The following AASDH variants were observed in gnomAD, a reference collection of about 807,000 sequenced individuals.
The protein encoded by AASDH is beta-alanine-activating enzyme.
In AASDH, 81 loss-of-function variants were observed where a neutral mutation model predicts 102.3. The ratio of observed to expected loss-of-function variants is 0.79; its 90% CI spans 0.66 to 0.95. The LOEUF is 0.95. Ranked by LOEUF, AASDH falls within the 40% of genes least tolerant of loss-of-function variation. AASDH has a pLI of 0.00. For missense variants in AASDH, 1,203 were observed against 1,266.2 expected (o/e 0.95, Z 0.76); for synonymous variants, 398 against 454.0 (o/e 0.88, Z 1.57).
intron 5 of AASDH, among the ~76,000 whole-genome samples, chr4:56,361,971 C>G (rs1273096442): frequency 6.6e-6 from 1 of 151,868 alleles, no homozygotes; most frequent in Non-Finnish European, 1.5e-5. Context: ...GACCCTGTCT[C>G]AAAACAAAAA....
chr4:56,345,187 T>C lies in AASDH; in HGVS notation c.2592A>G (p.Pro864=). ...ATCCAATGTAAATGAGTCCTGTGGTTGGATCCATGGTTGCCGAGCTTTTGA... is the reference window on the plus strand; with the variant it reads ...ATCCAATGTAAATGAGTCCTGTGGTCGGATCCATGGTTGCCGAGCTTTTGA... ...DAVKSSATMD[P]TTGLIYIGSH... The change falls in exon 12 of 15, where the codon CCA becomes CCG. Residue 864 remains proline (P), a synonymous_variant. Transcript: ENST00000205214. The C allele has an allele frequency of 6.2e-7, 1 of 1,614,190 alleles. No homozygotes were observed. Among genetic ancestry groups the C allele is most frequent in the Non-Finnish European group, 8.5e-7 (1 of 1,180,030 alleles).
In AASDH at chr4:56,343,632, G is replaced by A. The variant is rs773877956; in HGVS notation, c.2705C>T (p.Pro902Leu). Residue 902 changes from proline (P) to leucine (L), a missense_variant, in exon 13 of 15, where the codon CCG becomes CTG. Coordinates refer to ENST00000205214, the MANE Select transcript of AASDH (RefSeq NM_181806.4). Reference sequence around the variant, plus strand: ...ATGATGTGGAATCAGGTTCAAACACGGAGAGGAAAAGACAGTTCCTCCACA... The same window carrying A: ...ATGATGTGGAATCAGGTTCAAACACAGAGAGGAAAAGACAGTTCCTCCACA... ...SKCGGTVFSS[P>L]CLNLIPHHLY... The A allele has an allele frequency of 6.2e-6, 10 of 1,610,318 alleles. No individual in the cohort carries two copies. Among genetic ancestry groups the A allele is most frequent in the South Asian group, 4.4e-5 (4 of 90,432 alleles).
intron 5 of AASDH, among the ~76,000 whole-genome samples, chr4:56,359,476 A>G (rs574192388): frequency 5.4e-4 from 81 of 151,376 alleles, no homozygotes; most frequent in Non-Finnish European, 1.0e-3. Context: ...GCTTGTCTCG[A>G]ACTCCTAACC....
chr4:56,361,919 C>G (rs1750348473), intron 5 of AASDH, among the ~76,000 whole-genome samples: 1 of 152,164 alleles, frequency 6.6e-6, no homozygotes, highest in African/African-American at 2.4e-5. Flanking sequence ...CTGCAGTGAG[C>G]TGTGAGGGCG....
At position 56,353,519 on chromosome 4, in the gene AASDH, C is replaced by T; in HGVS notation, c.1461G>A (p.Val487=). The change falls in exon 9 of 15, where the codon GTG becomes GTA. Residue 487 remains valine, a synonymous_variant. Transcript: ENST00000205214. ...YNQEKLILFM[V]SKDASVKEYI... is the part of the protein sequence containing the mutation. ...ATTCTTTTACTGAAGCATCTTTAGA[C>T]ACCATGAAGAGAATTAATTTTTCCT... 1 of 1,613,688 alleles carries T rather than the reference C, an allele frequency of 6.2e-7. No individual in the cohort carries two copies. The highest frequency in any genetic ancestry group is 1.1e-5 in the South Asian group (1 of 91,060).
At chr4:56,374,759 TTTAA>T (rs1209739021) in intron 4 of AASDH, among the ~76,000 whole-genome samples, 1 of 152,148 alleles carries the variant, frequency 6.6e-6, no homozygotes, top group Non-Finnish European at 1.5e-5. Context: ...CTTTTGTCAG[TTTAA>T]TTCTCAGTCC....
chr4:56,347,363 G>GAT (rs897309687), intron 11 of AASDH, among the ~76,000 whole-genome samples: 1 of 152,184 alleles, frequency 6.6e-6, no homozygotes, highest in Middle Eastern at 3.2e-3. Context: ...GATTCAAGTA[G>GAT]ATTGCTGCTA....
At position 56,338,417 on chromosome 4, in the gene AASDH, A is replaced by C; in HGVS notation, c.3282T>G (p.Gly1094=). Residue 1094 remains glycine, a synonymous_variant, in exon 15 of 15, where the codon GGT becomes GGG. Coordinates refer to ENST00000205214, the MANE Select transcript of AASDH (RefSeq NM_181806.4). ...DNYVYCLDLL[G]GNQK ...CTGTATTTGATTATTTTTGATTGCC[A>C]CCCAATAAATCCAGACAATAAACAT... 2 of 1,613,214 alleles carry C rather than the reference A, an allele frequency of 1.2e-6. No individual in the cohort carries two copies. The highest frequency in any genetic ancestry group is 1.1e-5 in the South Asian group (1 of 90,704).
At chr4:56,355,071 C>T in intron 6 of AASDH, 111 bp downstream of exon 6, 1 of 1,299,002 alleles carries the variant, frequency 7.7e-7, no homozygotes, top group East Asian at 2.4e-5. Flanking sequence ...ATATCAGATA[C>T]AATCGTGTTT....
chr4:56,374,367 CAGAAAAAAAAA>C (rs1445905297), intron 4 of AASDH, among the ~76,000 whole-genome samples: 10 of 110,220 alleles, frequency 9.1e-5, no homozygotes, highest in African/African-American at 3.3e-4. Context: ...GACTCTGTCT[CAGAAAAAAAAA>C]AAAAAAAAAA....
intron 5 of AASDH, among the ~76,000 whole-genome samples, chr4:56,370,595 C>T (rs991041516): frequency 6.6e-6 from 1 of 152,034 alleles, no homozygotes; most frequent in South Asian, 2.1e-4. Context: ...AATGAATCAG[C>T]GAGTGGGCCC....
intron 5 of AASDH, among the ~76,000 whole-genome samples, chr4:56,366,286 G>C (rs534095888): frequency 1.3e-5 from 2 of 152,170 alleles, no homozygotes; most frequent in Non-Finnish European, 2.9e-5. Flanking sequence ...AATTCTACCA[G>C]AGGTACAAGG....
rs386400122 is a variant in AASDH at position 56,338,313 on chromosome 4, C to CTTTT, written c.*88_*89insAAAA. On this transcript the variant is annotated 3_prime_UTR_variant, in exon 15 of 15. Transcript: ENST00000205214. ...CGTTTCTTAGCCAAAATATAATCTT[C>CTTTT]TTTAATATAAAATAAGTCCACATGA... The CTTTT allele has an allele frequency of 5.7e-6, 8 of 1,411,382 alleles. No homozygotes were observed. The highest frequency in any genetic ancestry group is 6.7e-6 in the Non-Finnish European group (7 of 1,043,228). 87.4% of individuals were successfully genotyped at this position (1,411,382 alleles called of 1,614,324 possible).
At chr4:56,383,760 C>G (rs1578089380) in intron 2 of AASDH, among the ~76,000 whole-genome samples, 1 of 152,134 alleles carries the variant, frequency 6.6e-6, no homozygotes, top group African/African-American at 2.4e-5. Flanking sequence ...TTTCTTTTAT[C>G]TAACAACAAA....
chr4:56,387,480 G>T lies in AASDH; in HGVS notation c.-161C>A, dbSNP rs1185071198. 1 of 152,230 alleles carries T rather than the reference G, an allele frequency of 6.6e-6. No individual in the cohort carries two copies. Among genetic ancestry groups the T allele is most frequent in the South Asian group, 2.1e-4 (1 of 4,836 alleles). The allele number at this position is 152,230 out of a possible 1,614,324, so 9.4% of individuals were successfully genotyped here. ...AAGCCGTAAAGCTATCCCAGAGCGA[G>T]GCACCATACGTAAATCTTCCGCGTC... On this transcript the variant is annotated 5_prime_UTR_variant, in exon 1 of 15. Transcript: ENST00000205214.
chr4:56,364,400 C>A (rs1750723910), intron 5 of AASDH, among the ~76,000 whole-genome samples: 1 of 151,910 alleles, frequency 6.6e-6, no homozygotes, highest in African/African-American at 2.4e-5. Context: ...AAGAGCAACT[C>A]CAAGACACAA....
intron 5 of AASDH, among the ~76,000 whole-genome samples, chr4:56,365,259 C>G (rs1391294880): frequency 6.6e-6 from 1 of 152,012 alleles, no homozygotes; most frequent in East Asian, 1.9e-4. Context: ...GACTCCCACA[C>G]AATAATAATG....
chr4:56,338,583 G>T lies in AASDH; in HGVS notation c.3116C>A (p.Ala1039Glu). 1 of 1,614,198 alleles carries T rather than the reference G, an allele frequency of 6.2e-7. No homozygotes were observed. Among genetic ancestry groups the T allele is most frequent in the Non-Finnish European group, 8.5e-7 (1 of 1,180,040 alleles). ...NYNGSNEMLLAAASTDGKVWI... is the reference protein window; with the variant it reads ...NYNGSNEMLLEAASTDGKVWI... ...CACTTTCCCATCAGTAGATGCTGCT[G>T]CCAGCAACATTTCATTGCTGCCATT... is the stretch of plus-strand genomic sequence containing the variant. The change falls in exon 15 of 15, where the codon GCA becomes GAA. Residue 1039 changes from alanine to glutamate, a missense_variant. Transcript: ENST00000205214.
intron 10 of AASDH, among the ~76,000 whole-genome samples, chr4:56,350,900 T>C (rs1287552920): frequency 6.6e-6 from 1 of 152,194 alleles, no homozygotes; most frequent in Non-Finnish European, 1.5e-5. Flanking sequence ...TACTGAGATA[T>C]ATTTTTAAAC....
Sources: allele counts gnomAD v4.1 joint callset (sites outside exome capture counted in the v4.1 genomes callset), GRCh38; gene constraint gnomAD v4.1.1; transcripts MANE v1.5; gene names NCBI Gene and HGNC (gene_info 2026-07-23, HGNC 2026-07-21).